Variants in PNPT1 observed in about 807,000 individuals in gnomAD.
PNPT1 encodes the protein polyribonucleotide nucleotidyltransferase 1, also known as polyribonucleotide nucleotidyltransferase 1, mitochondrial.
PNPT1 carries 53 observed loss-of-function variants against 119.5 expected under a neutral mutation model. The ratio of observed to expected loss-of-function variants is 0.44; its 90% CI spans 0.36 to 0.56. PNPT1 has a LOEUF of 0.56. Ranked by LOEUF, PNPT1 falls within the 20% of genes least tolerant of loss-of-function variation. PNPT1 has a pLI of 0.00. For missense variants in PNPT1, 948 were observed against 938.5 expected, an observed-to-expected ratio of 1.01 and a Z score of -0.13; for synonymous variants, 357 against 322.1, an observed-to-expected ratio of 1.11 and a Z score of -1.16.
At chr2:55,680,664 G>GA (rs563669081) in intron 7 of PNPT1, 48 bp downstream of exon 7, 8,137 of 1,320,694 alleles carry the variant, frequency 6.2e-3, no homozygotes, top group Middle Eastern at 9.6e-3. Flanking sequence ...ACTACTTACT[G>GA]AAAAAAAAAA....
intron 18 of PNPT1, among the ~76,000 whole-genome samples, chr2:55,650,917 G>T (rs1328457763): frequency 2.0e-5 from 3 of 148,530 alleles, no homozygotes; most frequent in Non-Finnish European, 3.0e-5. Flanking sequence ...CCCCCCGCCC[G>T]GCCAGCCGCC....
In PNPT1 at chr2:55,645,415, A is replaced by G. The variant is rs750328203; in HGVS notation, c.1756T>C (p.Leu586=). 24 of 1,609,842 alleles carry G rather than the reference A, an allele frequency of 1.5e-5. No homozygotes were observed. Among genetic ancestry groups the G allele is most frequent in the Non-Finnish European group, 1.8e-5 (21 of 1,177,148 alleles). The change falls in exon 22 of 28, where the codon TTA becomes CTA. Residue 586 remains leucine, a synonymous_variant. Transcript: ENST00000447944. Reference sequence around the variant, plus strand: ...GAAATAGTTTTGTTCATGATCTGTAATATCTCCTTTTTTGCCACTAGAAGA... The same window carrying G: ...GAAATAGTTTTGTTCATGATCTGTAGTATCTCCTTTTTTGCCACTAGAAGA... The part of the protein sequence containing the change: ...QQASVAKKEI[L]QIMNKTISKP...
At chr2:55,689,914 C>T (rs888339461) in intron 1 of PNPT1, among the ~76,000 whole-genome samples, 2 of 152,142 alleles carry the variant, frequency 1.3e-5, no homozygotes, top group Non-Finnish European at 2.9e-5. Context: ...CTTGACCTCC[C>T]AGGCTCAAGT....
At chr2:55,656,263 C>G (rs986383849) in intron 16 of PNPT1, 42 bp downstream of exon 16, 2 of 1,611,116 alleles carry the variant, frequency 1.2e-6, no homozygotes, top group African/African-American at 1.3e-5. Flanking sequence ...TGTATTAAGT[C>G]TCTGTAAGAA....
chr2:55,653,897 T>G (rs1696293389), intron 18 of PNPT1, among the ~76,000 whole-genome samples: 1 of 152,180 alleles, frequency 6.6e-6, no homozygotes, highest in South Asian at 2.1e-4. Context: ...CTTTAGTGTC[T>G]TTAGGTTCCT....
At chr2:55,668,024 T>A in intron 11 of PNPT1, 66 bp from the exon 12 acceptor site, 1 of 1,372,982 alleles carries the variant, frequency 7.3e-7, no homozygotes, top group Non-Finnish European at 1.0e-6. Context: ...TTCTCTAAAG[T>A]TCATAGCATA....
intron 14 of PNPT1, among the ~76,000 whole-genome samples, chr2:55,660,810 T>C (rs1171068456): frequency 6.6e-6 from 1 of 152,160 alleles, no homozygotes; most frequent in Non-Finnish European, 1.5e-5. Flanking sequence ...AAGACTAGAA[T>C]ATATGGAGGT....
chr2:55,673,451 CTTT>C (rs1235731095), intron 8 of PNPT1, among the ~76,000 whole-genome samples: 3 of 143,354 alleles, frequency 2.1e-5, no homozygotes, highest in Admixed American at 7.0e-5. Context: ...GTTTTTAATA[CTTT>C]TTTTTTTTTT....
intron 22 of PNPT1, 177 bp downstream of exon 22, chr2:55,645,172 C>G (rs889557237): frequency 2.4e-6 from 1 of 414,392 alleles, no homozygotes; most frequent in Non-Finnish European, 4.3e-6. Flanking sequence ...TACAGGCGCC[C>G]GCCACCACGC....
chr2:55,662,880 AT>A (rs35015796), intron 13 of PNPT1, among the ~76,000 whole-genome samples: 19,083 of 140,406 alleles, frequency 0.14, 1,154 homozygotes, highest in South Asian at 0.25. Context: ...CAGACAAAAG[AT>A]TTTTTTTTTT....
intron 5 of PNPT1, 90 bp from the exon 6 acceptor site, chr2:55,681,008 C>T: frequency 9.8e-7 from 1 of 1,023,162 alleles, no homozygotes; most frequent in Non-Finnish European, 1.5e-6. Flanking sequence ...TGGCTAAAAG[C>T]AGGGGCTTTG....
chr2:55,693,528 T>G, intron 1 of PNPT1, 135 bp downstream of exon 1: 1 of 1,294,196 alleles, frequency 7.7e-7, no homozygotes, highest in Admixed American at 2.5e-5. Context: ...AAAGGGAAAT[T>G]TGGAATTTAG....
intron 18 of PNPT1, among the ~76,000 whole-genome samples, chr2:55,650,902 G>T (rs1383098296): frequency 6.7e-6 from 1 of 149,134 alleles, no homozygotes; most frequent in Admixed American, 6.6e-5. Flanking sequence ...AGGTGGGGGG[G>T]TCAGCCCCCC....
intron 14 of PNPT1, among the ~76,000 whole-genome samples, chr2:55,661,091 C>CTTTTTTTT (rs1171064705): frequency 2.8e-5 from 2 of 71,598 alleles, no homozygotes; most frequent in East Asian, 3.4e-4. Flanking sequence ...AATAGAGATT[C>CTTTTTTTT]TTTTTTTTTT....
intron 15 of PNPT1, among the ~76,000 whole-genome samples, chr2:55,657,009 G>A (rs1444971533): frequency 1.3e-5 from 2 of 152,176 alleles, no homozygotes; most frequent in Non-Finnish European, 2.9e-5. Context: ...GTGATCATTT[G>A]ACAATAGGAA....
chr2:55,691,878 A>ATATATATTTTT (rs1326804958), intron 1 of PNPT1, among the ~76,000 whole-genome samples: 15 of 33,112 alleles, frequency 4.5e-4, no homozygotes, highest in East Asian at 3.2e-3. Flanking sequence ...ATATATATAT[A>ATATATATTTTT]TTTTTTTTTT....
intron 8 of PNPT1, among the ~76,000 whole-genome samples, chr2:55,678,431 CAATGAGGTGT>C (rs1462143942): frequency 2.6e-5 from 4 of 152,206 alleles, no homozygotes; most frequent in African/African-American, 9.7e-5. Context: ...CAGTTCTGCT[CAATGAGGTGT>C]AAATAGAAAC....
intron 21 of PNPT1, 112 bp from the exon 22 acceptor site, chr2:55,645,544 G>T: frequency 1.6e-6 from 1 of 634,244 alleles, no homozygotes; most frequent in Non-Finnish European, 2.7e-6. Flanking sequence ...AATAATTGAA[G>T]CTTTCCACAT....
In PNPT1 at chr2:55,676,161, G is replaced by A. The variant is rs893854137; in HGVS notation, c.680-3082C>T. 8.7e-5 allele frequency among the ~76,000 whole-genome samples: 13 copies of A among 150,190 alleles called. No individual in the cohort carries two copies. The East Asian group carries it at 9.8e-4, about 11-fold the overall frequency. ...TGTAGTCCCAGCTACTTGGGAGGCC[G>A]AGTCAAGAGAATCGCTTGAACCTGG... On this transcript the variant is annotated intron_variant, in intron 8 of 27. Coordinates refer to ENST00000447944, the MANE Select transcript of PNPT1 (RefSeq NM_033109.5).
Sources: gnomAD v4.1 joint callset for allele counts (sites outside exome capture counted in the v4.1 genomes callset) on GRCh38, gnomAD v4.1.1 for gene constraint, MANE v1.5 for transcripts, NCBI Gene and HGNC (gene_info 2026-07-23, HGNC 2026-07-21) for gene names.